Variants in IL1RAPL1 observed in about 807,000 individuals in gnomAD.
IL1RAPL1 encodes interleukin 1 receptor accessory protein like 1, also known as interleukin-1 receptor accessory protein-like 1.
Under a neutral mutation model 48.4 loss-of-function variants are expected in IL1RAPL1, and 3 were observed. That is an observed-to-expected ratio of 0.06 (90% CI 0.03 to 0.16). IL1RAPL1 has a LOEUF of 0.16. IL1RAPL1 is among the 10% of genes least tolerant of loss of function. The pLI is 1.00. For synonymous variants in IL1RAPL1, 185 were observed against 187.7 expected (o/e 0.99, Z 0.12); for missense variants, 349 against 530.6 (o/e 0.66, Z 3.36).
intron 3 of IL1RAPL1, among the ~76,000 whole-genome samples, chrX:29,363,394 C>A (rs972887890): frequency 9.0e-6 from 1 of 111,429 alleles, no homozygotes; most frequent in African/African-American, 3.3e-5. Flanking sequence ...AAACATAGCA[C>A]CTCAATCTGA....
At chrX:29,366,553 A>ATTTTTTTTT (rs34164964) in intron 3 of IL1RAPL1, among the ~76,000 whole-genome samples, 2 of 37,259 alleles carry the variant, frequency 5.4e-5, no homozygotes, top group African/African-American at 1.3e-4. Flanking sequence ...TGATAGGTCA[A>ATTTTTTTTT]TTTTTTTTTT....
intron 6 of IL1RAPL1, among the ~76,000 whole-genome samples, chrX:29,774,606 T>TTTTATA (rs1929147814): frequency 1.8e-5 from 2 of 112,152 alleles, no homozygotes; most frequent in African/African-American, 6.5e-5. Flanking sequence ...TAAAATTTCT[T>TTTTATA]CAATATACAA....
At chrX:29,888,301 G>A (rs1427096914) in intron 6 of IL1RAPL1, among the ~76,000 whole-genome samples, 2 of 107,831 alleles carry the variant, frequency 1.9e-5, no homozygotes, top group African/African-American at 3.4e-5. Flanking sequence ...TCGGCTCACC[G>A]CAACCTCTGC....
chrX:29,227,068 T>A (rs1931097377), intron 2 of IL1RAPL1, among the ~76,000 whole-genome samples: 1 of 110,291 alleles, frequency 9.1e-6, no homozygotes, highest in Admixed American at 9.7e-5. Flanking sequence ...TTTTATCCTA[T>A]TAAATTTAAT....
At chrX:29,286,381 A>C (rs1160764838) in intron 3 of IL1RAPL1, among the ~76,000 whole-genome samples, 2 of 111,770 alleles carry the variant, frequency 1.8e-5, no homozygotes, top group Admixed American at 1.9e-4. Flanking sequence ...GTTTACTCTT[A>C]AAAAAATAAA....
At chrX:29,682,217 A>G (rs1470699598) in intron 6 of IL1RAPL1, among the ~76,000 whole-genome samples, 2 of 111,601 alleles carry the variant, frequency 1.8e-5, no homozygotes, top group African/African-American at 6.5e-5. Flanking sequence ...AAAAATGTAT[A>G]TGTTATGTGT....
intron 2 of IL1RAPL1, among the ~76,000 whole-genome samples, chrX:29,101,852 G>A (rs1928345724): frequency 9.0e-6 from 1 of 111,579 alleles, no homozygotes; most frequent in African/African-American, 3.3e-5. Flanking sequence ...CAGGAGAATT[G>A]CTTGAACCCG....
chrX:28,602,722 A>G (rs1462852951), intron 1 of IL1RAPL1, among the ~76,000 whole-genome samples: 2 of 111,912 alleles, frequency 1.8e-5, no homozygotes, highest in Non-Finnish European at 3.8e-5. Context: ...AGTAAGTCTA[A>G]ATTCATCTTT....
intron 2 of IL1RAPL1, among the ~76,000 whole-genome samples, chrX:29,168,734 T>TTCATATGTACAATTGTATATATATAG (rs1929845308): frequency 1.1e-5 from 1 of 87,012 alleles, no homozygotes; most frequent in African/African-American, 3.6e-5. Flanking sequence ...TATATATATA[T>TTCATATGTACAATTGTATATATATAG]TCATATGTAC....
intron 2 of IL1RAPL1, among the ~76,000 whole-genome samples, chrX:29,002,854 G>A (rs188454624): frequency 1.3e-4 from 14 of 109,789 alleles, no homozygotes; most frequent in Admixed American, 3.9e-4. Flanking sequence ...ACAAACATAA[G>A]CTGCTTTTGT....
chrX:28,720,053 C>G (rs746234516), intron 1 of IL1RAPL1, among the ~76,000 whole-genome samples: 18 of 111,025 alleles, frequency 1.6e-4, no homozygotes, highest in Middle Eastern at 4.6e-3. Context: ...TTGCATATCC[C>G]CAAGTAATTT....
chrX:29,745,596 G>A (rs765609653), intron 6 of IL1RAPL1, among the ~76,000 whole-genome samples: 31 of 107,837 alleles, frequency 2.9e-4, no homozygotes, highest in South Asian at 8.5e-4. Context: ...ATAGGCGTCC[G>A]CCAACATGCC....
intron 5 of IL1RAPL1, among the ~76,000 whole-genome samples, chrX:29,474,375 G>A (rs1276249428): frequency 1.8e-5 from 2 of 112,156 alleles, no homozygotes; most frequent in Non-Finnish European, 3.8e-5. Context: ...TATGCAACCT[G>A]GAGTAAACTG....
At chrX:28,958,830 T>C (rs1028105600) in intron 2 of IL1RAPL1, among the ~76,000 whole-genome samples, 4 of 111,271 alleles carry the variant, frequency 3.6e-5, no homozygotes, top group African/African-American at 1.3e-4. Flanking sequence ...TGGACATTGA[T>C]TCTAATAATC....
At chrX:28,649,304 A>C (rs915499130) in intron 1 of IL1RAPL1, among the ~76,000 whole-genome samples, 6 of 112,355 alleles carry the variant, frequency 5.3e-5, no homozygotes, top group African/African-American at 1.9e-4. Flanking sequence ...TAAATTAATA[A>C]GCTTTTAAGT....
At chrX:29,132,737 T>C (rs1031624212) in intron 2 of IL1RAPL1, among the ~76,000 whole-genome samples, 9 of 112,115 alleles carry the variant, frequency 8.0e-5, no homozygotes, top group African/African-American at 2.9e-4. Context: ...GCTTTTGTCT[T>C]CCCTTGATCA....
intron 1 of IL1RAPL1, among the ~76,000 whole-genome samples, chrX:28,769,101 G>T (rs1936283350): frequency 9.2e-6 from 1 of 108,217 alleles, no homozygotes; most frequent in African/African-American, 3.3e-5. Flanking sequence ...AGAAATGATG[G>T]TGTAAGAATA....
At chrX:29,527,548 A>G (rs2147776355) in intron 5 of IL1RAPL1, among the ~76,000 whole-genome samples, 1 of 108,635 alleles carries the variant, frequency 9.2e-6, no homozygotes, top group South Asian at 4.0e-4. Flanking sequence ...GATGGTCTCG[A>G]TCTCCTGACC....
rs770278689 is a variant in IL1RAPL1 at position 29,506,775 on chromosome X, T to C, written c.703+107467T>C. On this transcript the variant is annotated intron_variant, in intron 5 of 10. Transcript: ENST00000378993. Reference sequence around the variant, plus strand: ...CAGGGCTGAGAATGGTAGTCTCACCTCCCCTTTGTATCTCTGGCTGTCCTC... The same window carrying C: ...CAGGGCTGAGAATGGTAGTCTCACCCCCCCTTTGTATCTCTGGCTGTCCTC... 2.7e-5 allele frequency among the ~76,000 whole-genome samples: 3 copies of C among 109,137 alleles called. No homozygotes were observed. The South Asian group carries it at 1.3e-3, about 46-fold the overall frequency. The allele number at this position is 109,137 out of a possible 115,157, so 94.8% of individuals were successfully genotyped here. A position where few individuals can be genotyped will look rare whatever the true frequency, so the allele number is the denominator to read the frequency against.
Sources: allele counts gnomAD v4.1 joint callset (sites outside exome capture counted in the v4.1 genomes callset), GRCh38; gene constraint gnomAD v4.1.1; transcripts MANE v1.5; gene names NCBI Gene and HGNC (gene_info 2026-07-23, HGNC 2026-07-21).